Variants in CACFD1 observed in about 807,000 individuals in gnomAD.
CACFD1 encodes the protein calcium channel flower homolog.
Under a neutral mutation model 21.3 loss-of-function variants are expected in CACFD1, and 26 were observed. That is an observed-to-expected ratio of 1.22 (90% confidence interval 0.89 to 1.69). CACFD1 has a LOEUF of 1.69. CACFD1 is among the 40% of genes most tolerant of loss of function. The probability of loss-of-function intolerance (pLI) is 0.00; values close to 1 mark genes in which losing one functional copy is unlikely to be tolerated. For missense variants in CACFD1, 265 were observed against 236.2 expected (o/e 1.12, Z -0.80); for synonymous variants, 121 against 106.6 (o/e 1.13, Z -0.83).
chr9:133,460,062 G>C lies in CACFD1; in HGVS notation c.-5G>C, dbSNP rs782353386. On this transcript the variant is annotated 5_prime_UTR_variant, in exon 1 of 5. Transcript: ENST00000316948. ...GGGCTGTGAGCTGCGCCTGACGGTGGCACCATGAGCAGCTCAGGTGGGGCG... is the reference window on the plus strand; with the variant it reads ...GGGCTGTGAGCTGCGCCTGACGGTGCCACCATGAGCAGCTCAGGTGGGGCG... The C allele has an allele frequency of 7.1e-6, 11 of 1,556,914 alleles. No individual in the cohort carries two copies. The highest frequency in any genetic ancestry group is 9.6e-6 in the Non-Finnish European group (11 of 1,151,524).
chr9:133,464,978 G>A (rs587641038), intron 2 of CACFD1: 53 of 224,174 alleles, frequency 2.4e-4, no homozygotes, highest in Non-Finnish European at 4.1e-4. Context: ...GGATGAACCT[G>A]CCGCAGCGTT....
chr9:133,467,873 G>A (rs1422004613), intron 3 of CACFD1, 48 bp from the exon 4 acceptor site: 3 of 1,349,418 alleles, frequency 2.2e-6, no homozygotes, highest in African/African-American at 1.4e-5. Context: ...GGAAGGATGT[G>A]GTGGCTGTGG....
rs1843412272 is a variant in CACFD1, at chr9:133,465,777, A to G, written c.320+330A>G. Reference sequence around the variant, plus strand: ...CACTGGGAGTTGTTAACCAGATGATAGTAGGTCTGTAGGACATGTTTCTCT... The same window carrying G: ...CACTGGGAGTTGTTAACCAGATGATGGTAGGTCTGTAGGACATGTTTCTCT... On this transcript the variant is annotated intron_variant, in intron 3 of 4. Coordinates refer to ENST00000316948, the MANE Select transcript of CACFD1 (RefSeq NM_017586.5). This position sits in a 1 kb window ranked among gnomAD's most constrained non-coding sequence, Gnocchi z 5.0. The G allele has an allele frequency of 3.8e-6, 1 of 264,126 alleles. No individual in the cohort carries two copies. Among genetic ancestry groups the G allele is most frequent in the East Asian group, 9.9e-5 (1 of 10,144 alleles). 16.4% of individuals were successfully genotyped at this position (264,126 alleles called of 1,614,324 possible).
At chr9:133,462,433 C>T (rs1843260730) in intron 1 of CACFD1, among the ~76,000 whole-genome samples, 2 of 152,220 alleles carry the variant, frequency 1.3e-5, no homozygotes, top group Non-Finnish European at 2.9e-5. Context: ...CAGTTCGGCT[C>T]ACTTTATCTG....
At chr9:133,462,093 T>A (rs1843241688) in intron 1 of CACFD1, 6 of 1,302,442 alleles carry the variant, frequency 4.6e-6, no homozygotes, top group Non-Finnish European at 6.1e-6. Context: ...GATTCCTGGC[T>A]GGAGCCTGCT....
rs36075119 is a variant in CACFD1 at position 133,470,189 on chromosome 9, C to CTGTGTGTGTG, written c.*1564_*1573dup. ...TCAGGCCAGTGCTGGGTTCAAAGGGCTGTGTGTGTGTGTGTGTGTGTGTGT... is the reference window on the plus strand; with the variant it reads ...TCAGGCCAGTGCTGGGTTCAAAGGGCTGTGTGTGTGTGTGTGTGTGTGTGTGTGTGTGTGT... On this transcript the variant is annotated 3_prime_UTR_variant, in exon 5 of 5. Coordinates refer to ENST00000316948, the MANE Select transcript of CACFD1 (RefSeq NM_017586.5). The CTGTGTGTGTG allele has an allele frequency of 6.7e-6, 1 of 149,640 alleles. No homozygotes were observed. The highest frequency in any genetic ancestry group is 2.5e-5 in the African/African-American group (1 of 40,550). 9.3% of individuals were successfully genotyped at this position (149,640 alleles called of 1,614,324 possible). A position where few individuals can be genotyped will look rare whatever the true frequency, so the allele number is the denominator to read the frequency against.
rs781841314 is a variant in CACFD1 at position 133,460,029 on chromosome 9, C to G, written c.-38C>G. The G allele has an allele frequency of 2.0e-6, 3 of 1,517,542 alleles. No homozygotes were observed. Among genetic ancestry groups the G allele is most frequent in the Non-Finnish European group, 2.6e-6 (3 of 1,133,248 alleles). 94.0% of individuals were successfully genotyped at this position (1,517,542 alleles called of 1,614,324 possible). A position where few individuals can be genotyped will look rare whatever the true frequency, so the allele number is the denominator to read the frequency against. On this transcript the variant is annotated 5_prime_UTR_variant, in exon 1 of 5. Transcript: ENST00000316948. The stretch of plus-strand genomic sequence containing the variant: ...CTCGGACGCGGCCGGCTACCGAGCC[C>G]TTTGTGAGGGCTGTGAGCTGCGCCT...
chr9:133,463,380 A>G, intron 1 of CACFD1, 103 bp from the exon 2 acceptor site: 4 of 1,590,752 alleles, frequency 2.5e-6, no homozygotes, highest in Non-Finnish European at 8.5e-7. Context: ...TGTGCTGAGC[A>G]TCCGCAGAGA....
chr9:133,460,483 G>GGGGGCGGCGGGGGC (rs1554798208), intron 1 of CACFD1, among the ~76,000 whole-genome samples: 292 of 124,238 alleles, frequency 2.4e-3, no homozygotes, highest in Non-Finnish European at 3.8e-3. Context: ...GCGGGGGCGG[G>GGGGGCGGCGGGGGC]GGTGGGGCAC....
intron 1 of CACFD1, 58 bp from the exon 2 acceptor site, chr9:133,463,425 T>G: frequency 1.9e-6 from 3 of 1,612,176 alleles, no homozygotes; most frequent in Non-Finnish European, 2.5e-6. Flanking sequence ...CAAGGCCGCC[T>G]TCCCAGCGGG....
At position 133,465,075 on chromosome 9, in the gene CACFD1, T is replaced by C. The variant is rs782703658; in HGVS notation, c.195-247T>C. 8.5e-5 allele frequency: 46 copies of C among 541,314 alleles called. No homozygotes were observed. Among genetic ancestry groups the C allele is most frequent in the Non-Finnish European group, 1.5e-4 (44 of 301,538 alleles). The allele number at this position is 541,314 out of a possible 1,614,324, so 33.5% of individuals were successfully genotyped here. On this transcript the variant is annotated intron_variant, in intron 2 of 4. Transcript: ENST00000316948. This position sits in a 1 kb window ranked among gnomAD's most constrained non-coding sequence, Gnocchi z 5.0. Reference sequence around the variant, plus strand: ...AAGCAGAAGCCCAGGGGCTTCCCTCTAGGAGTGTTCAGTTCAGCTGGGGAG... The same window carrying C: ...AAGCAGAAGCCCAGGGGCTTCCCTCCAGGAGTGTTCAGTTCAGCTGGGGAG...
In CACFD1 at chr9:133,460,014, G is replaced by A; in HGVS notation, c.-53G>A. 1 of 1,477,126 alleles carries A rather than the reference G, an allele frequency of 6.8e-7. No individual in the cohort carries two copies. Among genetic ancestry groups the A allele is most frequent in the East Asian group, 2.7e-5 (1 of 36,602 alleles). The allele number at this position is 1,477,126 out of a possible 1,614,324, so 91.5% of individuals were successfully genotyped here. A position where few individuals can be genotyped will look rare whatever the true frequency, so the allele number is the denominator to read the frequency against. ...AAGGCAGCGCGCCGGCTCGGACGCG[G>A]CCGGCTACCGAGCCCTTTGTGAGGG... On this transcript the variant is annotated 5_prime_UTR_variant, in exon 1 of 5. Coordinates refer to ENST00000316948, the MANE Select transcript of CACFD1 (RefSeq NM_017586.5).
chr9:133,465,405 T>A lies in CACFD1; in HGVS notation c.278T>A (p.Val93Glu). The A allele has an allele frequency of 6.2e-7, 1 of 1,613,928 alleles. No individual in the cohort carries two copies. The highest frequency in any genetic ancestry group is 8.5e-7 in the Non-Finnish European group (1 of 1,179,892). ...TTTGCAAACACAGTGGCGGAGAAGGTGGACCGGCTGCGCTCCTGGCAGAAG... is the reference window on the plus strand; with the variant it reads ...TTTGCAAACACAGTGGCGGAGAAGGAGGACCGGCTGCGCTCCTGGCAGAAG... ...IEFANTVAEKVDRLRSWQKAV... is the reference protein window; with the variant it reads ...IEFANTVAEKEDRLRSWQKAV... Residue 93 changes from valine to glutamate, a missense_variant, in exon 3 of 5, where the codon GTG (valine) becomes GAG (glutamate). Transcript: ENST00000316948. The surrounding 1 kb of genome is among the most constrained non-coding windows in gnomAD (Gnocchi z 5.0).
rs36075119 is a variant in CACFD1 at position 133,470,189 on chromosome 9, CTGTGTGTG to C, written c.*1566_*1573del. On this transcript the variant is annotated 3_prime_UTR_variant, in exon 5 of 5. Transcript: ENST00000316948. ...TCAGGCCAGTGCTGGGTTCAAAGGG[CTGTGTGTG>C]TGTGTGTGTGTGTGTGTGTGTGTGT... 0.25 allele frequency: 37,160 copies of C among 149,612 alleles called. 4,837 individuals carry two copies. The highest frequency in any genetic ancestry group is 0.51 in the East Asian group (2,533 of 4,976). The allele number at this position is 149,612 out of a possible 1,614,324, so 9.3% of individuals were successfully genotyped here.
chr9:133,460,103 A>C lies in CACFD1; in HGVS notation c.37A>C (p.Ser13Arg). Residue 13 changes from serine (S) to arginine (R), a missense_variant, in exon 1 of 5, where the codon AGC becomes CGC. Coordinates refer to ENST00000316948, the MANE Select transcript of CACFD1 (RefSeq NM_017586.5). ...AGGTGGGGCGCCCGGGGCGTCCGCCAGCTCTGCGCCGCCCGCGCAGGAAGA... is the reference window on the plus strand; with the variant it reads ...AGGTGGGGCGCCCGGGGCGTCCGCCCGCTCTGCGCCGCCCGCGCAGGAAGA... Reference protein sequence around the residue: ...SSGGAPGASASSAPPAQEEGM... With the variant: ...SSGGAPGASARSAPPAQEEGM... 1 of 1,563,914 alleles carries C rather than the reference A, an allele frequency of 6.4e-7. No homozygotes were observed. Among genetic ancestry groups the C allele is most frequent in the East Asian group, 2.4e-5 (1 of 41,686 alleles).
chr9:133,468,175 C>A, intron 4 of CACFD1, 147 bp downstream of exon 4: 1 of 1,074,802 alleles, frequency 9.3e-7, no homozygotes, highest in Non-Finnish European at 1.3e-6. Flanking sequence ...CTCCAGGGCT[C>A]AGCTCGAGTG....
At position 133,465,039 on chromosome 9, in the gene CACFD1, A is replaced by G; in HGVS notation, c.195-283A>G. ...CCTTTCCTCCATGTCACACAGGAGG[A>G]GGATAAAGGGAAGCAGAAGCCCAGG... On this transcript the variant is annotated intron_variant, in intron 2 of 4. Transcript: ENST00000316948. The surrounding 1 kb of genome is among the most constrained non-coding windows in gnomAD (Gnocchi z 5.0). 2.6e-6 allele frequency: 1 copy of G among 391,950 alleles called. No individual in the cohort carries two copies. The allele number at this position is 391,950 out of a possible 1,614,324, so 24.3% of individuals were successfully genotyped here. A position where few individuals can be genotyped will look rare whatever the true frequency, so the allele number is the denominator to read the frequency against.
At position 133,467,918 on chromosome 9, in the gene CACFD1, C is replaced by A. The variant is rs1554799839; in HGVS notation, c.321-3C>A. The stretch of plus-strand genomic sequence containing the variant: ...GCCCCCTTGACCTCTGCTTTCCCCC[C>A]AGGATGGCGGTCGTTCCCATCGTCA... On this transcript the variant is annotated splice_polypyrimidine_tract_variant and splice_region_variant and intron_variant, in intron 3 of 4. Transcript: ENST00000316948. 1.2e-6 allele frequency: 2 copies of A among 1,610,248 alleles called. No individual in the cohort carries two copies. The highest frequency in any genetic ancestry group is 1.7e-5 in the Admixed American group (1 of 60,014).
intron 1 of CACFD1, chr9:133,462,130 C>A (rs1391500232): frequency 7.7e-7 from 1 of 1,303,932 alleles, no homozygotes. Context: ...TGGTCCTCCC[C>A]CAAGGCTGGC....
Sources: allele counts gnomAD v4.1 joint callset (sites outside exome capture counted in the v4.1 genomes callset), GRCh38; gene constraint gnomAD v4.1.1; non-coding constraint Gnocchi (gnomAD v3.1); transcripts MANE v1.5; gene names NCBI Gene and HGNC (gene_info 2026-07-23, HGNC 2026-07-21).